The following SEMA4D variants were observed in gnomAD, a reference collection of about 807,000 sequenced individuals.
SEMA4D encodes semaphorin 4D.
A neutral mutation model predicts 74.8 loss-of-function variants in SEMA4D; 22 were observed. The ratio of observed to expected loss-of-function variants is 0.29; its 90% CI spans 0.21 to 0.42. The LOEUF (loss-of-function observed/expected upper bound fraction) is 0.42, where lower values mean the gene tolerates loss of function less well. Among genes scored for constraint, SEMA4D ranks in the 10% least tolerant of loss-of-function variants. SEMA4D has a pLI of 1.00. For synonymous variants in SEMA4D, 445 were observed against 463.7 expected (o/e 0.96, Z 0.52); for missense variants, 937 against 1,118.4 (o/e 0.84, Z 2.31).
Position 89,461,990 on chromosome 9 carries a change from T to A in SEMA4D, c.-309-6037A>T, listed in dbSNP as rs146358196. Among the ~76,000 whole-genome samples the A allele has an allele frequency of 3.5e-4, 53 of 152,316 alleles. No individual in the cohort carries two copies. The East Asian group carries it at 0.01, about 29-fold the overall frequency. ...TGCTGGGATTACAGGCATGAGACAC[T>A]GTGCCTGGCCTGATGTATATTTCTT... On this transcript the variant is annotated intron_variant, in intron 1 of 15. Coordinates refer to ENST00000422704, the MANE Select transcript of SEMA4D (RefSeq NM_001371194.2).
chr9:89,438,096 G>A (rs565785398), intron 2 of SEMA4D, among the ~76,000 whole-genome samples: 8 of 152,130 alleles, frequency 5.3e-5, no homozygotes, highest in Non-Finnish European at 1.2e-4. Flanking sequence ...TGCTGTGGAG[G>A]GAGCAGCCTC....
intron 2 of SEMA4D, among the ~76,000 whole-genome samples, chr9:89,438,358 G>A (rs759465413): frequency 1.4e-4 from 22 of 152,252 alleles, no homozygotes; most frequent in Non-Finnish European, 2.5e-4. Flanking sequence ...TCAGGGTGGA[G>A]CACCTCCCAT....
intron 2 of SEMA4D, among the ~76,000 whole-genome samples, chr9:89,454,386 C>A (rs1175663838): frequency 6.6e-6 from 1 of 152,154 alleles, no homozygotes; most frequent in Non-Finnish European, 1.5e-5. Flanking sequence ...GGCTGAGGCT[C>A]CCCTAGCTTG....
At chr9:89,419,854 T>A (rs970513147) in intron 2 of SEMA4D, among the ~76,000 whole-genome samples, 14 of 151,858 alleles carry the variant, frequency 9.2e-5, no homozygotes, top group South Asian at 4.2e-4. Context: ...GAGGTGGAGG[T>A]TGGAGTGAGC....
At chr9:89,363,903 C>T (rs1205536432) in exon 17 of SEMA4D, 2 of 1,614,110 alleles carry the variant, frequency 1.2e-6, no homozygotes, top group Non-Finnish European at 1.7e-6. Flanking sequence ...ACACAGGTCT[C>T]CAGAGCTCGC....
At chr9:89,401,236 T>G (rs1842158432) in intron 4 of SEMA4D, among the ~76,000 whole-genome samples, 1 of 152,118 alleles carries the variant, frequency 6.6e-6, no homozygotes, top group Admixed American at 6.5e-5. Context: ...TTTGCAGTTT[T>G]TGTAGAGAAA....
At chr9:89,474,351 G>A (rs964615871) in intron 1 of SEMA4D, among the ~76,000 whole-genome samples, 4 of 146,054 alleles carry the variant, frequency 2.7e-5, no homozygotes, top group African/African-American at 7.5e-5. Flanking sequence ...ACCAGCATTC[G>A]AATCCAAATA....
At chr9:89,451,608 T>C (rs1854521101) in intron 2 of SEMA4D, among the ~76,000 whole-genome samples, 1 of 152,192 alleles carries the variant, frequency 6.6e-6, no homozygotes, top group African/African-American at 2.4e-5. Context: ...TCTGAAGCTA[T>C]GGATTTGGAT....
chr9:89,480,413 G>A (rs1398526156), intron 1 of SEMA4D, among the ~76,000 whole-genome samples: 7 of 152,374 alleles, frequency 4.6e-5, no homozygotes, highest in Middle Eastern at 3.4e-3. Flanking sequence ...TGTGCCGTGC[G>A]CTCGCATTCC....
rs1385818489 is a variant in SEMA4D, at chr9:89,377,263, G to A, written c.*1441C>T. The A allele has an allele frequency of 1.4e-5, 9 of 651,492 alleles. No homozygotes were observed. The highest frequency in any genetic ancestry group is 7.6e-5 in the Admixed American group (2 of 26,300). 40.4% of individuals were successfully genotyped at this position (651,492 alleles called of 1,614,324 possible). The stretch of plus-strand genomic sequence containing the variant: ...AGGATAGAAGCTTCTCATTTATTTG[G>A]GTACTTTCCAAATGTATACAATTCA... On this transcript the variant is annotated 3_prime_UTR_variant, in exon 16 of 16. Coordinates refer to ENST00000422704, the MANE Select transcript of SEMA4D (RefSeq NM_001371194.2).
chr9:89,392,277 G>C, intron 8 of SEMA4D, 146 bp downstream of exon 8: 1 of 602,638 alleles, frequency 1.7e-6, no homozygotes, highest in Non-Finnish European at 2.9e-6. Flanking sequence ...GGCCATTGCT[G>C]GACAGTTTGG....
At chr9:89,462,010 T>C (rs1434877945) in intron 1 of SEMA4D, among the ~76,000 whole-genome samples, 1 of 152,146 alleles carries the variant, frequency 6.6e-6, no homozygotes, top group Non-Finnish European at 1.5e-5. Flanking sequence ...CTGATGTATA[T>C]TTCTTGAACA....
intron 1 of SEMA4D, among the ~76,000 whole-genome samples, chr9:89,461,700 C>CTTTTTTCTCTTTTTTTTTTTT (rs1554781760): frequency 9.6e-6 from 1 of 103,646 alleles, no homozygotes; most frequent in African/African-American, 3.5e-5. Context: ...TCTTTTTTCT[C>CTTTTTTCTCTTTTTTTTTTTT]TTTTTTTTTT....
chr9:89,476,606 TCTCCAGC>T (rs1328082501), intron 1 of SEMA4D, among the ~76,000 whole-genome samples: 4 of 152,284 alleles, frequency 2.6e-5, no homozygotes, highest in African/African-American at 7.2e-5. Flanking sequence ...CTTCTCTGGG[TCTCCAGC>T]CTGCTGTATA....
At position 89,386,043 on chromosome 9, in the gene SEMA4D, C is replaced by G. The variant is rs1039886013; in HGVS notation, c.1446+324G>C. On this transcript the variant is annotated intron_variant, in intron 13 of 15. Coordinates refer to ENST00000422704, the MANE Select transcript of SEMA4D (RefSeq NM_001371194.2). ...CCACAGATGCAGTCTGCACACCCCC[C>G]AAGCTCAGGGCATAAAAAGGTGTCT... is the stretch of plus-strand genomic sequence containing the variant. 4.1e-6 allele frequency: 4 copies of G among 985,328 alleles called. No individual in the cohort carries two copies. In the African/African-American group the frequency reaches 7.0e-5, roughly 17 times the overall value. The allele number at this position is 985,328 out of a possible 1,614,324, so 61.0% of individuals were successfully genotyped here. A position where few individuals can be genotyped will look rare whatever the true frequency, so the allele number is the denominator to read the frequency against.
At chr9:89,398,034 G>A (rs1841376897) in intron 5 of SEMA4D, among the ~76,000 whole-genome samples, 1 of 152,208 alleles carries the variant, frequency 6.6e-6, no homozygotes, top group African/African-American at 2.4e-5. Flanking sequence ...AGGAGCCAGA[G>A]AAAGTCTAGG....
chr9:89,446,417 G>C, intron 2 of SEMA4D, among the ~76,000 whole-genome samples: 1 of 152,274 alleles, frequency 6.6e-6, no homozygotes, highest in South Asian at 2.1e-4. Flanking sequence ...ACCACAAGGG[G>C]CAAAACCAAA....
chr9:89,430,742 C>G (rs575283460), intron 2 of SEMA4D, among the ~76,000 whole-genome samples: 15 of 152,308 alleles, frequency 9.8e-5, no homozygotes, highest in Admixed American at 2.6e-4. Flanking sequence ...TTTGGGAGGC[C>G]AAGGCGGGCA....
intron 3 of SEMA4D, among the ~76,000 whole-genome samples, chr9:89,404,131 C>A (rs1452229031): frequency 2.6e-5 from 4 of 152,116 alleles, no homozygotes; most frequent in Non-Finnish European, 4.4e-5. Context: ...AACCCGGGTC[C>A]CCAGACACAT....
Sources: allele counts gnomAD v4.1 joint callset (sites outside exome capture counted in the v4.1 genomes callset), GRCh38; gene constraint gnomAD v4.1.1; transcripts MANE v1.5; gene names NCBI Gene and HGNC (gene_info 2026-07-23, HGNC 2026-07-21).